Variants in PDZD8 observed in about 807,000 individuals in gnomAD.
The protein encoded by PDZD8 is PDZ domain-containing protein 8.
Under a neutral mutation model 85.8 loss-of-function variants are expected in PDZD8, and 14 were observed. That is an observed-to-expected ratio of 0.16 (90% CI 0.11 to 0.26). PDZD8 has a LOEUF of 0.26. Among genes scored for constraint, PDZD8 ranks in the 10% least tolerant of loss-of-function variants. The pLI is 1.00. For missense variants in PDZD8, 1,197 were observed against 1,424.3 expected (o/e 0.84, Z 2.57); for synonymous variants, 592 against 568.6 (o/e 1.04, Z -0.59).
At chr10:117,332,934 A>G (rs958957896) in intron 2 of PDZD8, among the ~76,000 whole-genome samples, 2 of 151,342 alleles carry the variant, frequency 1.3e-5, no homozygotes, top group African/African-American at 2.4e-5. Flanking sequence ...CCAGGCCAAC[A>G]TGGTGAAACG....
At chr10:117,288,532 G>A (rs546190351) in intron 4 of PDZD8, among the ~76,000 whole-genome samples, 1 of 152,160 alleles carries the variant, frequency 6.6e-6, no homozygotes, top group Non-Finnish European at 1.5e-5. Context: ...ATTTGAGATG[G>A]AGTTTCGCTC....
intron 1 of PDZD8, among the ~76,000 whole-genome samples, chr10:117,342,025 TAGG>T (rs1205642404): frequency 6.6e-6 from 1 of 152,172 alleles, no homozygotes; most frequent in Non-Finnish European, 1.5e-5. Flanking sequence ...GAATGAAGCT[TAGG>T]AAGGTTAACA....
chr10:117,299,332 T>G (rs1843807954), intron 3 of PDZD8, among the ~76,000 whole-genome samples: 1 of 152,210 alleles, frequency 6.6e-6, no homozygotes. Context: ...AGGTATTCTT[T>G]GAACTTCTTG....
chr10:117,361,767 G>T (rs1309977972), intron 1 of PDZD8, among the ~76,000 whole-genome samples: 2 of 152,076 alleles, frequency 1.3e-5, no homozygotes, highest in African/African-American at 4.8e-5. Flanking sequence ...TTAAAAAAAA[G>T]ACTGTTGCGA....
chr10:117,307,258 G>A (rs887915179), intron 3 of PDZD8, among the ~76,000 whole-genome samples: 1 of 151,922 alleles, frequency 6.6e-6, no homozygotes, highest in Non-Finnish European at 1.5e-5. Context: ...TTTTTTAAAT[G>A]GGGGAAAATT....
intron 2 of PDZD8, among the ~76,000 whole-genome samples, chr10:117,321,263 T>G (rs1844221017): frequency 6.6e-6 from 1 of 152,034 alleles, no homozygotes; most frequent in Non-Finnish European, 1.5e-5. Context: ...AAATGATGAG[T>G]GGGATAAATA....
At chr10:117,353,671 A>C (rs1844844778) in intron 1 of PDZD8, among the ~76,000 whole-genome samples, 1 of 151,262 alleles carries the variant, frequency 6.6e-6, no homozygotes, top group South Asian at 2.1e-4. Flanking sequence ...ATTTTGTTCA[A>C]AATAATCGGG....
intron 4 of PDZD8, among the ~76,000 whole-genome samples, chr10:117,288,421 C>T (rs1033527148): frequency 1.3e-5 from 2 of 151,934 alleles, no homozygotes; most frequent in African/African-American, 4.8e-5. Context: ...AAAAAAGAGA[C>T]ATACAAAAGC....
chr10:117,323,621 A>C (rs764479577), intron 2 of PDZD8, among the ~76,000 whole-genome samples: 3 of 152,088 alleles, frequency 2.0e-5, no homozygotes, highest in East Asian at 3.9e-4. Context: ...CTACCAACTA[A>C]TACACTTTGT....
In PDZD8 at chr10:117,374,074, C is replaced by T. The variant is rs963248755; in HGVS notation, c.872+282G>A. ...CTGGGGATTAGGGTAGGCTTCCCTT[C>T]CATTTCCAATATGCTGCTTATAAAA... On this transcript the variant is annotated intron_variant, in intron 1 of 4. Coordinates refer to ENST00000334464, the MANE Select transcript of PDZD8 (RefSeq NM_173791.5). This position sits in a 1 kb window ranked among gnomAD's most constrained non-coding sequence, Gnocchi z 7.8. 1.3e-5 allele frequency among the ~76,000 whole-genome samples: 2 copies of T among 152,214 alleles called. No individual in the cohort carries two copies. The highest frequency in any genetic ancestry group is 1.3e-4 in the Admixed American group (2 of 15,284).
At chr10:117,341,205 T>A in intron 1 of PDZD8, 103 bp from the exon 2 acceptor site, 2 of 1,227,552 alleles carry the variant, frequency 1.6e-6, no homozygotes, top group African/African-American at 1.5e-5. Context: ...AATGAACACC[T>A]AATACTACAC....
chr10:117,290,853 T>A (rs1299082537), intron 3 of PDZD8, among the ~76,000 whole-genome samples: 1 of 150,492 alleles, frequency 6.6e-6, no homozygotes, highest in Non-Finnish European at 1.5e-5. Flanking sequence ...CTCCATTTTG[T>A]ATGGTGTATC....
At chr10:117,341,801 A>G (rs1844617901) in intron 1 of PDZD8, among the ~76,000 whole-genome samples, 1 of 152,242 alleles carries the variant, frequency 6.6e-6, no homozygotes, top group South Asian at 2.1e-4. Flanking sequence ...GGAGCCCACG[A>G]ATACAGAGAG....
At chr10:117,361,050 G>A (rs1191892210) in intron 1 of PDZD8, among the ~76,000 whole-genome samples, 2 of 152,142 alleles carry the variant, frequency 1.3e-5, no homozygotes, top group Non-Finnish European at 2.9e-5. Context: ...GGGTGATGAT[G>A]TCACCACATA....
intron 2 of PDZD8, among the ~76,000 whole-genome samples, chr10:117,320,588 C>T (rs1268383466): frequency 1.3e-5 from 2 of 151,734 alleles, no homozygotes; most frequent in Non-Finnish European, 2.9e-5. Flanking sequence ...ACTATAAAAT[C>T]CTTAGAAGAA....
At chr10:117,325,595 G>A (rs2133820860) in intron 2 of PDZD8, among the ~76,000 whole-genome samples, 1 of 151,702 alleles carries the variant, frequency 6.6e-6, no homozygotes, top group East Asian at 2.0e-4. Flanking sequence ...CAGAGATGGG[G>A]TTCCGCCATA....
chr10:117,336,854 T>C (rs1191168885), intron 2 of PDZD8, among the ~76,000 whole-genome samples: 1 of 151,974 alleles, frequency 6.6e-6, no homozygotes, highest in Non-Finnish European at 1.5e-5. Flanking sequence ...TCAACTGCTG[T>C]GGTTTTCTGT....
At position 117,375,370 on chromosome 10, in the gene PDZD8, G is replaced by C. The variant is rs896289995; in HGVS notation, c.-143C>G. On this transcript the variant is annotated 5_prime_UTR_variant, in exon 1 of 5. Transcript: ENST00000334464. Reference sequence around the variant, plus strand: ...CTCCGTGGGCCTCGTCCAGGGGCTCGGGCCGGCGCGCTGCGGCGCCCGAGC... The same window carrying C: ...CTCCGTGGGCCTCGTCCAGGGGCTCCGGCCGGCGCGCTGCGGCGCCCGAGC... 34 of 522,710 alleles carry C rather than the reference G, an allele frequency of 6.5e-5. No homozygotes were observed. Among genetic ancestry groups the C allele is most frequent in the African/African-American group, 5.4e-4 (27 of 50,224 alleles). 32.4% of individuals were successfully genotyped at this position (522,710 alleles called of 1,614,324 possible). A position where few individuals can be genotyped will look rare whatever the true frequency, so the allele number is the denominator to read the frequency against.
At position 117,335,645 on chromosome 10, in the gene PDZD8, A is replaced by T. The variant is rs188348265; in HGVS notation, c.995+5335T>A. Among the ~76,000 whole-genome samples the T allele has an allele frequency of 2.9e-3, 449 of 152,318 alleles. 2 individuals carry two copies. Among genetic ancestry groups the T allele is most frequent in the African/African-American group, 0.01 (432 of 41,580 alleles). On this transcript the variant is annotated intron_variant, in intron 2 of 4. Coordinates refer to ENST00000334464, the MANE Select transcript of PDZD8 (RefSeq NM_173791.5). ...GTGGGGGGAGACTAAATCTGAAAGC[A>T]ATCTGAAACAAACCCAACTATATTT...
Sources: gnomAD v4.1 joint callset for allele counts (sites outside exome capture counted in the v4.1 genomes callset) on GRCh38, gnomAD v4.1.1 for gene constraint, Gnocchi (gnomAD v3.1) non-coding constraint, MANE v1.5 for transcripts, NCBI Gene and HGNC (gene_info 2026-07-23, HGNC 2026-07-21) for gene names.